Variants in RELB observed in about 807,000 individuals in gnomAD.
RELB encodes the protein transcription factor RelB.
RELB carries 14 observed loss-of-function variants against 55.4 expected under a neutral mutation model. The ratio of observed to expected loss-of-function variants is 0.25; its 90% CI spans 0.17 to 0.40. The LOEUF (loss-of-function observed/expected upper bound fraction) is 0.40. Ranked by LOEUF, RELB falls within the 10% of genes least tolerant of loss-of-function variation. The probability of loss-of-function intolerance (pLI) is 1.00; values close to 1 mark genes in which losing one functional copy is unlikely to be tolerated. For missense variants in RELB, 669 were observed against 830.7 expected (o/e 0.81, Z 2.39); for synonymous variants, 409 against 371.3 (o/e 1.10, Z -1.17).
chr19:45,010,585 C>A (rs967478759), intron 3 of RELB, among the ~76,000 whole-genome samples: 1 of 152,092 alleles, frequency 6.6e-6, no homozygotes, highest in Non-Finnish European at 1.5e-5. Context: ...AGATAACATA[C>A]GAGCTGAGAC....
intron 10 of RELB, 44 bp from the exon 11 acceptor site, chr19:45,034,407 A>G: frequency 1.2e-6 from 2 of 1,609,676 alleles, no homozygotes; most frequent in South Asian, 1.1e-5. Context: ...CTGGGGAGGA[A>G]GGGCTGTCGG....
chr19:45,014,988 C>T (rs7248345), intron 4 of RELB, among the ~76,000 whole-genome samples: 2,696 of 151,082 alleles, frequency 0.018, 80 homozygotes, highest in African/African-American at 0.062. Context: ...CTGCAACTTC[C>T]GCCTCCTGGG....
intron 6 of RELB, 42 bp downstream of exon 6, chr19:45,025,462 A>G (rs1409575938): frequency 6.3e-7 from 1 of 1,579,166 alleles, no homozygotes; most frequent in African/African-American, 1.4e-5. Flanking sequence ...GTCCTCCCAA[A>G]CCCCTTGACT....
At chr19:45,028,038 C>T (rs1971578354) in intron 7 of RELB, among the ~76,000 whole-genome samples, 1 of 152,084 alleles carries the variant, frequency 6.6e-6, no homozygotes, top group South Asian at 2.1e-4. Flanking sequence ...TGCCACCACA[C>T]CTGGCTAAGT....
intron 4 of RELB, among the ~76,000 whole-genome samples, chr19:45,019,513 T>G (rs1399746448): frequency 6.6e-6 from 1 of 152,192 alleles, no homozygotes; most frequent in Non-Finnish European, 1.5e-5. Context: ...AGTAATCCCA[T>G]CAAATCATGT....
chr19:45,004,619 G>T (rs1401374982), intron 2 of RELB, among the ~76,000 whole-genome samples: 2 of 150,992 alleles, frequency 1.3e-5, no homozygotes, highest in Non-Finnish European at 3.0e-5. Flanking sequence ...TGTAATCCCG[G>T]CACTTTGGGA....
intron 1 of RELB, among the ~76,000 whole-genome samples, chr19:45,001,900 G>T (rs1186341441): frequency 6.6e-6 from 1 of 151,912 alleles, no homozygotes; most frequent in Non-Finnish European, 1.5e-5. Flanking sequence ...TCCCGCTGTA[G>T]AGTGAGAGGG....
At chr19:45,014,903 A>ATT (rs11289208) in intron 4 of RELB, among the ~76,000 whole-genome samples, 4 of 130,780 alleles carry the variant, frequency 3.1e-5, no homozygotes, top group Non-Finnish European at 6.5e-5. Context: ...TGGATTCAGG[A>ATT]TTTTTTTTTT....
At chr19:45,018,296 C>G (rs549725670) in intron 4 of RELB, among the ~76,000 whole-genome samples, 22 of 152,008 alleles carry the variant, frequency 1.4e-4, no homozygotes, top group African/African-American at 4.3e-4. Context: ...CCCAGCTACT[C>G]GAGAGGCTGA....
intron 3 of RELB, among the ~76,000 whole-genome samples, chr19:45,011,481 G>A (rs1971350230): frequency 6.6e-6 from 1 of 151,902 alleles, no homozygotes; most frequent in Non-Finnish European, 1.5e-5. Context: ...TTGAGAGACG[G>A]AGTCTCACTC....
At chr19:45,011,737 G>A (rs1382729757) in intron 3 of RELB, among the ~76,000 whole-genome samples, 199 bp from the exon 4 acceptor site, 2 of 142,266 alleles carry the variant, frequency 1.4e-5, no homozygotes, top group Non-Finnish European at 3.0e-5. Context: ...GTGAGCCACC[G>A]CACCTGGCCT....
intron 7 of RELB, among the ~76,000 whole-genome samples, chr19:45,027,335 A>C (rs1000926076): frequency 1.3e-5 from 2 of 152,178 alleles, no homozygotes; most frequent in Non-Finnish European, 2.9e-5. Flanking sequence ...CAGATGTAGC[A>C]TAGTGCTTCA....
In RELB at chr19:45,001,565, G is replaced by T; in HGVS notation, c.-15G>T. 1 of 1,432,158 alleles carries T rather than the reference G, an allele frequency of 7.0e-7. No homozygotes were observed. The allele number at this position is 1,432,158 out of a possible 1,614,324, so 88.7% of individuals were successfully genotyped here. A position where few individuals can be genotyped will look rare whatever the true frequency, so the allele number is the denominator to read the frequency against. ...ACCAGACCGTGCCTCCCGGCCGCCC[G>T]GCCGGCCCGCGTGCATGCTTCGGTC... On this transcript the variant is annotated 5_prime_UTR_variant, in exon 1 of 12. Coordinates refer to ENST00000221452, the MANE Select transcript of RELB (RefSeq NM_006509.4).
intron 4 of RELB, 35 bp from the exon 5 acceptor site, chr19:45,022,018 G>A: frequency 1.3e-6 from 2 of 1,579,432 alleles, no homozygotes; most frequent in Non-Finnish European, 1.7e-6. Flanking sequence ...AGGCATCGGT[G>A]ATGGGACCCC....
chr19:45,030,974 G>A (rs753910868), intron 8 of RELB, among the ~76,000 whole-genome samples: 9 of 152,226 alleles, frequency 5.9e-5, no homozygotes, highest in East Asian at 3.9e-4. Flanking sequence ...CTTCATTTTC[G>A]TCTTTATACA....
rs1310938299 is a variant in RELB at position 45,037,683 on chromosome 19, G to C, written c.1633G>C (p.Gly545Arg). 3.8e-6 allele frequency: 6 copies of C among 1,563,340 alleles called. No individual in the cohort carries two copies. The highest frequency in any genetic ancestry group is 1.7e-4 in the Middle Eastern group (1 of 5,822). ...TLDSYQAPGP[G>R]DGGTASLVGS... Reference sequence around the variant, plus strand: ...GGACTCGTACCAGGCCCCGGGCCCCGGGGATGGAGGCACCGCCAGCCTTGT... The same window carrying C: ...GGACTCGTACCAGGCCCCGGGCCCCCGGGATGGAGGCACCGCCAGCCTTGT... Residue 545 changes from glycine (G) to arginine (R), a missense_variant, in exon 12 of 12, where the codon GGG becomes CGG. This residue lies in a region of RELB where 341 missense variants were observed against 436.8 expected (regional missense o/e 0.78). Transcript: ENST00000221452.
chr19:45,022,956 A>G (rs529540375), intron 5 of RELB, among the ~76,000 whole-genome samples: 1 of 152,134 alleles, frequency 6.6e-6, no homozygotes, highest in Non-Finnish European at 1.5e-5. Flanking sequence ...GCATTTTTTC[A>G]TAGTGCAAAG....
intron 7 of RELB, among the ~76,000 whole-genome samples, chr19:45,027,622 T>A (rs1850656924): frequency 6.6e-6 from 1 of 152,144 alleles, no homozygotes; most frequent in South Asian, 2.1e-4. Context: ...GTCTGGGGCA[T>A]GCGCTCAATT....
At chr19:45,027,667 A>G (rs576666828) in intron 7 of RELB, among the ~76,000 whole-genome samples, 1 of 152,088 alleles carries the variant, frequency 6.6e-6, no homozygotes, top group African/African-American at 2.4e-5. Flanking sequence ...AGCCCTGCCC[A>G]ATCCCAGTTA....
Sources: gnomAD v4.1 joint callset for allele counts (sites outside exome capture counted in the v4.1 genomes callset) on GRCh38, gnomAD v4.1.1 for gene constraint, gnomAD v4.1.1 regional missense constraint, MANE v1.5 for transcripts, NCBI Gene and HGNC (gene_info 2026-07-23, HGNC 2026-07-21) for gene names.